The following PIK3C3 variants were observed in gnomAD, a reference collection of about 807,000 sequenced individuals.
PIK3C3 encodes the protein phosphatidylinositol 3-kinase catalytic subunit type 3.
PIK3C3 carries 95 observed loss-of-function variants against 126.1 expected under a neutral mutation model. The ratio of observed to expected loss-of-function variants is 0.75; its 90% CI spans 0.64 to 0.89. The LOEUF is 0.89. PIK3C3 is among the 40% of genes least tolerant of loss of function. The pLI is 0.00. For missense variants in PIK3C3, 829 were observed against 1,063.2 expected (o/e 0.78, Z 3.06); for synonymous variants, 374 against 360.0 (o/e 1.04, Z -0.44).
chr18:41,981,506 T>G (rs1288439259), intron 4 of PIK3C3, among the ~76,000 whole-genome samples: 2 of 152,210 alleles, frequency 1.3e-5, no homozygotes, highest in African/African-American at 4.8e-5. Flanking sequence ...AAGACTTCAT[T>G]AATCAGGAAG....
At chr18:42,064,711 C>G (rs1301880738) in intron 22 of PIK3C3, 29 bp from the exon 23 acceptor site, 1 of 1,036,010 alleles carries the variant, frequency 9.7e-7, no homozygotes, top group African/African-American at 1.6e-5. Flanking sequence ...TTAATCGTTG[C>G]TATTTTTTTC....
intron 24 of PIK3C3, among the ~76,000 whole-genome samples, chr18:42,076,223 CATATAT>C (rs562658517): frequency 7.5e-6 from 1 of 133,468 alleles, no homozygotes; most frequent in Non-Finnish European, 1.6e-5. Flanking sequence ...TATATATATG[CATATAT>C]ATATTACATA....
chr18:42,079,705 C>T (rs918962154), intron 24 of PIK3C3, among the ~76,000 whole-genome samples: 1 of 151,958 alleles, frequency 6.6e-6, no homozygotes, highest in Non-Finnish European at 1.5e-5. Context: ...TAGACGCATA[C>T]ACGTGTACAT....
rs185666517 is a variant in PIK3C3, at chr18:41,997,622, T to C, written c.984+892T>C. ...GAGCCAAGGGGTACCTCTTAAGGTA[T>C]AATAATAATAGCTAGCATTTTTTAA... On this transcript the variant is annotated intron_variant, in intron 9 of 24. Transcript: ENST00000262039. Among the ~76,000 whole-genome samples the C allele has an allele frequency of 7.8e-4, 119 of 152,192 alleles. No individual in the cohort carries two copies. The East Asian group carries it at 0.02, about 25-fold the overall frequency.
At chr18:42,079,372 T>C (rs1198571686) in intron 24 of PIK3C3, among the ~76,000 whole-genome samples, 1 of 152,166 alleles carries the variant, frequency 6.6e-6, no homozygotes, top group African/African-American at 2.4e-5. Context: ...GCAGACACGG[T>C]TCGTGGTGCC....
chr18:42,029,740 AC>A (rs1486931463), intron 15 of PIK3C3, among the ~76,000 whole-genome samples: 2 of 151,302 alleles, frequency 1.3e-5, no homozygotes, highest in Non-Finnish European at 2.9e-5. Context: ...ATGAGGTTTC[AC>A]CATGTTGGTC....
At chr18:42,054,175 T>G (rs1402344682) in intron 21 of PIK3C3, among the ~76,000 whole-genome samples, 7 of 75,362 alleles carry the variant, frequency 9.3e-5, no homozygotes, top group Middle Eastern at 5.4e-3. Flanking sequence ...TATATATATA[T>G]ATATATATAT....
chr18:42,040,755 A>G lies in PIK3C3; in HGVS notation c.2103+14A>G, dbSNP rs1567996189. On this transcript the variant is annotated intron_variant, in intron 19 of 24. Transcript: ENST00000262039. ...GGAAGCATTCAGGTATGGTATCAAT[A>G]AAGATTATGCAATTCATGAATATAT... 3 of 1,535,408 alleles carry G rather than the reference A, an allele frequency of 2.0e-6. No individual in the cohort carries two copies. Among genetic ancestry groups the G allele is most frequent in the Non-Finnish European group, 2.7e-6 (3 of 1,111,526 alleles).
chr18:42,061,033 G>A (rs1004058291), intron 22 of PIK3C3, among the ~76,000 whole-genome samples: 1 of 152,088 alleles, frequency 6.6e-6, no homozygotes, highest in Admixed American at 6.6e-5. Flanking sequence ...TGTAGTTAAT[G>A]GATTTCTATT....
chr18:42,035,019 A>G (rs139547960), intron 16 of PIK3C3, among the ~76,000 whole-genome samples: 287 of 152,306 alleles, frequency 1.9e-3, no homozygotes, highest in African/African-American at 6.6e-3. Context: ...ATTATTTTTA[A>G]CATTATTCTG....
rs764207867 is a variant in PIK3C3, at chr18:42,058,007, A to C, written c.2388A>C (p.Gln796His). ...GMGGTQSEQY[Q>H]EFRKQCYTAF... is the part of the protein sequence containing the mutation. Reference sequence around the variant, plus strand: ...GGGGCACACAGAGTGAGCAGTACCAAGAGTTCCGTAAACAGTGTTACACGG... The same window carrying C: ...GGGGCACACAGAGTGAGCAGTACCACGAGTTCCGTAAACAGTGTTACACGG... Residue 796 changes from glutamine to histidine, a missense_variant, in exon 22 of 25, where the codon CAA (glutamine) becomes CAC (histidine). This residue lies in a region of PIK3C3 where 196 missense variants were observed against 312.8 expected (regional missense o/e 0.63). Coordinates refer to ENST00000262039, the MANE Select transcript of PIK3C3 (RefSeq NM_002647.4). 7.4e-6 allele frequency: 12 copies of C among 1,612,834 alleles called. No individual in the cohort carries two copies. The highest frequency in any genetic ancestry group is 9.3e-6 in the Non-Finnish European group (11 of 1,179,502).
In PIK3C3 at chr18:42,025,408, A is replaced by G. The variant is rs145423542; in HGVS notation, c.1485-2035A>G. 1.3e-4 allele frequency: 20 copies of G among 152,338 alleles called. No individual in the cohort carries two copies. In the East Asian group the frequency reaches 3.9e-3, roughly 29 times the overall value. 9.4% of individuals were successfully genotyped at this position (152,338 alleles called of 1,614,324 possible). A position where few individuals can be genotyped will look rare whatever the true frequency, so the allele number is the denominator to read the frequency against. On this transcript the variant is annotated intron_variant, in intron 13 of 24. Transcript: ENST00000262039. Reference sequence around the variant, plus strand: ...ATGTTCGGCTTTAGATTCATGGACCACAAATTGAACTGAGTGCCAAGGAAA... The same window carrying G: ...ATGTTCGGCTTTAGATTCATGGACCGCAAATTGAACTGAGTGCCAAGGAAA...
chr18:42,004,171 A>G (rs548604889), intron 9 of PIK3C3, among the ~76,000 whole-genome samples, 185 bp from the exon 10 acceptor site: 8 of 152,328 alleles, frequency 5.3e-5, no homozygotes, highest in African/African-American at 1.4e-4. Context: ...TACAGGGAAC[A>G]TGCTTTTTTT....
At chr18:42,040,439 A>T (rs1984259555) in intron 18 of PIK3C3, among the ~76,000 whole-genome samples, 1 of 152,132 alleles carries the variant, frequency 6.6e-6, no homozygotes, top group African/African-American at 2.4e-5. Context: ...ATTTTATAAT[A>T]GAAATTAGCC....
intron 19 of PIK3C3, among the ~76,000 whole-genome samples, chr18:42,043,378 A>C (rs1984413704): frequency 2.0e-5 from 3 of 152,204 alleles, no homozygotes; most frequent in Admixed American, 2.0e-4. Flanking sequence ...GGTGTGAGCC[A>C]CCACATCTGG....
intron 22 of PIK3C3, among the ~76,000 whole-genome samples, chr18:42,063,331 C>G (rs568589325): frequency 1.3e-5 from 2 of 152,254 alleles, no homozygotes; most frequent in East Asian, 1.9e-4. Context: ...GTCTGTATCC[C>G]TAGTGCCTAC....
In PIK3C3 at chr18:41,990,445, ATTT is replaced by A; in HGVS notation, c.619-6_619-4del. On this transcript the variant is annotated splice_polypyrimidine_tract_variant and intron_variant, in intron 5 of 24. Transcript: ENST00000262039. ...AAAATAATCATTTTTCATGAAAATC[ATTT>A]TTTTTTTCAGAGTGAAAAACGAAGT... is the stretch of plus-strand genomic sequence containing the variant. 7.6e-7 allele frequency: 1 copy of A among 1,323,724 alleles called. No individual in the cohort carries two copies. The highest frequency in any genetic ancestry group is 1.1e-6 in the Non-Finnish European group (1 of 937,716). 82.0% of individuals were successfully genotyped at this position (1,323,724 alleles called of 1,614,324 possible).
chr18:42,020,769 A>G (rs1983285965), intron 13 of PIK3C3, 64 bp downstream of exon 13: 3 of 876,602 alleles, frequency 3.4e-6, no homozygotes, highest in Non-Finnish European at 5.5e-6. Context: ...TTCTCATGCT[A>G]TAAACACAAA....
In PIK3C3 at chr18:42,057,982, G is replaced by C. The variant is rs2144505658; in HGVS notation, c.2363G>C (p.Gly788Ala). The change falls in exon 22 of 25, where the codon GGG (glycine) becomes GCG (alanine). Residue 788 changes from glycine (G) to alanine (A), a missense_variant. By Grantham distance (60) the Gly-to-Ala change is moderately conservative. This residue lies in a region of PIK3C3 where 196 missense variants were observed against 312.8 expected (regional missense o/e 0.63). Coordinates refer to ENST00000262039, the MANE Select transcript of PIK3C3 (RefSeq NM_002647.4). ...KLNKEMVEGM[G>A]GTQSEQYQEF... The stretch of plus-strand genomic sequence containing the variant: ...AATAAAGAAATGGTAGAAGGAATGG[G>C]GGGCACACAGAGTGAGCAGTACCAA... 1 of 1,613,266 alleles carries C rather than the reference G, an allele frequency of 6.2e-7. No individual in the cohort carries two copies. Among genetic ancestry groups the C allele is most frequent in the East Asian group, 2.2e-5 (1 of 44,826 alleles).
Sources: gnomAD v4.1 joint callset for allele counts (sites outside exome capture counted in the v4.1 genomes callset) on GRCh38, gnomAD v4.1.1 for gene constraint, gnomAD v4.1.1 regional missense constraint, MANE v1.5 for transcripts, NCBI Gene and HGNC (gene_info 2026-07-23, HGNC 2026-07-21) for gene names.